The following THSD7B variants were observed in gnomAD, a reference collection of about 807,000 sequenced individuals.
THSD7B encodes the protein thrombospondin type-1 domain-containing protein 7B.
In THSD7B, 138 loss-of-function variants were observed where a neutral mutation model predicts 213.6. That is an observed-to-expected ratio of 0.65 (90% CI 0.56 to 0.74). The LOEUF (loss-of-function observed/expected upper bound fraction) is 0.74, where lower values mean the gene tolerates loss of function less well. THSD7B is among the 30% of genes least tolerant of loss of function. The pLI is 0.00. For synonymous variants in THSD7B, 742 were observed against 687.0 expected (o/e 1.08, Z -1.25); for missense variants, 1,931 against 1,991.5 (o/e 0.97, Z 0.58).
chr2:136,825,034 C>G (rs1682622278), intron 1 of THSD7B, among the ~76,000 whole-genome samples: 1 of 152,124 alleles, frequency 6.6e-6, no homozygotes, highest in Admixed American at 6.5e-5. Context: ...TGACTCCTGT[C>G]AAATATAGTA....
chr2:137,392,227 A>G (rs1686046904), intron 12 of THSD7B, among the ~76,000 whole-genome samples: 1 of 152,214 alleles, frequency 6.6e-6, no homozygotes, highest in Non-Finnish European at 1.5e-5. Flanking sequence ...CATTTGGTGC[A>G]TTTAGGTAGA....
chr2:136,914,771 T>TC (rs1387363972), intron 2 of THSD7B, among the ~76,000 whole-genome samples: 7 of 152,160 alleles, frequency 4.6e-5, no homozygotes, highest in African/African-American at 1.4e-4. Flanking sequence ...TTCTTTTTTT[T>TC]CCCCAGTCTT....
In THSD7B at chr2:137,489,387, G is replaced by T. The variant is rs997213140; in HGVS notation, c.3138+38364G>T. Among the ~76,000 whole-genome samples the T allele has an allele frequency of 2.7e-5, 4 of 150,224 alleles. 1 individual carries two copies. Among genetic ancestry groups the T allele is most frequent in the African/African-American group, 9.8e-5 (4 of 40,694 alleles). ...TGCAGTGAGCCAAGATCGCACCATG[G>T]CACTCCAGCCTGGTGAGAGCAAGAC... On this transcript the variant is annotated intron_variant, in intron 15 of 27. Coordinates refer to ENST00000409968, the MANE Select transcript of THSD7B (RefSeq NM_001316349.2).
chr2:137,569,980 G>A (rs531184783), intron 16 of THSD7B, among the ~76,000 whole-genome samples: 18 of 151,972 alleles, frequency 1.2e-4, no homozygotes, highest in Non-Finnish European at 1.0e-4. Flanking sequence ...GTGCAGGCAG[G>A]AAGGGAAGCA....
intron 7 of THSD7B, among the ~76,000 whole-genome samples, chr2:137,208,761 G>A (rs1230689133): frequency 6.6e-6 from 1 of 151,994 alleles, no homozygotes; most frequent in Non-Finnish European, 1.5e-5. Context: ...CTGGGTAGAG[G>A]ACACAGAACT....
intron 12 of THSD7B, among the ~76,000 whole-genome samples, chr2:137,379,435 A>AT (rs1685727512): frequency 6.6e-6 from 1 of 152,206 alleles, no homozygotes; most frequent in Non-Finnish European, 1.5e-5. Context: ...AGTTGCATAT[A>AT]TGTCAGCATG....
At chr2:137,038,519 G>T (rs1686819247) in intron 2 of THSD7B, among the ~76,000 whole-genome samples, 1 of 152,216 alleles carries the variant, frequency 6.6e-6, no homozygotes, top group African/African-American at 2.4e-5. Context: ...CTTAGTCTTA[G>T]ACTAGACGGA....
chr2:137,070,289 T>C (rs190644204), intron 3 of THSD7B, among the ~76,000 whole-genome samples: 1 of 152,020 alleles, frequency 6.6e-6, no homozygotes, highest in African/African-American at 2.4e-5. Flanking sequence ...TTTTCATTCT[T>C]TTTTTACAGT....
chr2:137,534,487 A>G (rs1680464693), intron 15 of THSD7B, among the ~76,000 whole-genome samples: 1 of 151,708 alleles, frequency 6.6e-6, no homozygotes, highest in African/African-American at 2.4e-5. Context: ...AGGAAAGAGA[A>G]AGTGCACTTA....
chr2:137,416,852 T>G (rs1489528101), intron 14 of THSD7B, among the ~76,000 whole-genome samples: 3 of 152,252 alleles, frequency 2.0e-5, no homozygotes, highest in African/African-American at 7.2e-5. Context: ...ATTACATTGC[T>G]GCTAGTGGAT....
chr2:137,134,330 T>C (rs1688793283), intron 5 of THSD7B, among the ~76,000 whole-genome samples: 1 of 152,206 alleles, frequency 6.6e-6, no homozygotes, highest in African/African-American at 2.4e-5. Flanking sequence ...TGTTTTCTTA[T>C]GGTATCCTTA....
At chr2:137,519,487 T>C (rs748676299) in intron 15 of THSD7B, among the ~76,000 whole-genome samples, 6 of 152,194 alleles carry the variant, frequency 3.9e-5, no homozygotes, top group Admixed American at 2.6e-4. Context: ...TTAGCAGAAC[T>C]TGGGCTCCCA....
chr2:137,076,081 C>T (rs910758518), intron 3 of THSD7B, among the ~76,000 whole-genome samples: 10 of 152,184 alleles, frequency 6.6e-5, no homozygotes, highest in African/African-American at 2.4e-4. Context: ...TCTCAAGCTG[C>T]ATGCTGGGAG....
intron 12 of THSD7B, among the ~76,000 whole-genome samples, chr2:137,295,200 C>T (rs1683432515): frequency 6.6e-6 from 1 of 152,160 alleles, no homozygotes; most frequent in African/African-American, 2.4e-5. Context: ...AATTAAAACA[C>T]TAGCTCAACC....
intron 25 of THSD7B, among the ~76,000 whole-genome samples, chr2:137,663,051 T>G (rs1683380821): frequency 7.1e-6 from 1 of 140,358 alleles, no homozygotes; most frequent in South Asian, 2.3e-4. Context: ...AGCAACAGAG[T>G]GAAACTCCAT....
At chr2:137,372,091 C>T (rs74748775) in intron 12 of THSD7B, among the ~76,000 whole-genome samples, 90 of 152,190 alleles carry the variant, frequency 5.9e-4, no homozygotes, top group African/African-American at 2.1e-3. Context: ...CTGGACTGTT[C>T]AGTTGAAAAG....
chr2:137,659,746 G>A lies in THSD7B; in HGVS notation c.4458G>A (p.Gln1486=). ...GAAAACCTTTCTCCTACTGTACACA[G>A]GTGAGTCATGTGCTGGAGTCTTCTA... is the stretch of plus-strand genomic sequence containing the variant. ...ACRKPFSYCT[Q]GGVCGCEKGY... is the part of the protein sequence containing the mutation. Residue 1486 remains glutamine (Q), a splice_region_variant and synonymous_variant, in exon 25 of 28, where the codon CAG becomes CAA. Coordinates refer to ENST00000409968, the MANE Select transcript of THSD7B (RefSeq NM_001316349.2). The A allele has an allele frequency of 6.3e-7, 1 of 1,599,460 alleles. No homozygotes were observed.
At chr2:136,977,067 A>G (rs1014326561) in intron 2 of THSD7B, among the ~76,000 whole-genome samples, 1 of 152,096 alleles carries the variant, frequency 6.6e-6, no homozygotes, top group Non-Finnish European at 1.5e-5. Context: ...TGTATCTCTT[A>G]TAGAATTTAG....
intron 12 of THSD7B, among the ~76,000 whole-genome samples, chr2:137,342,405 TG>T (rs202154051): frequency 2.2e-4 from 32 of 142,356 alleles, no homozygotes; most frequent in Admixed American, 9.9e-4. Context: ...GTTTTTTTTT[TG>T]GTATATTTTG....
Sources: gnomAD v4.1 joint callset for allele counts (sites outside exome capture counted in the v4.1 genomes callset) on GRCh38, gnomAD v4.1.1 for gene constraint, MANE v1.5 for transcripts, NCBI Gene and HGNC (gene_info 2026-07-23, HGNC 2026-07-21) for gene names.